The following C19orf44 variants were observed in gnomAD, a reference collection of about 807,000 sequenced individuals.
The protein encoded by C19orf44 is chromosome 19 open reading frame 44.
In C19orf44, 43 loss-of-function variants were observed where a neutral mutation model predicts 50.7. The ratio of observed to expected loss-of-function variants is 0.85; its 90% CI spans 0.66 to 1.09. C19orf44 has a LOEUF of 1.09. Ranked by LOEUF, C19orf44 falls within the 50% of genes least tolerant of loss-of-function variation. The probability of loss-of-function intolerance (pLI) is 0.00; values close to 1 mark genes in which losing one functional copy is unlikely to be tolerated. For synonymous variants in C19orf44, 298 were observed against 334.7 expected (o/e 0.89, Z 1.20); for missense variants, 722 against 836.2 (o/e 0.86, Z 1.68).
At position 16,500,817 on chromosome 19, in the gene C19orf44, C is replaced by T. The variant is rs774965695; in HGVS notation, c.25C>T (p.Arg9Cys). The T allele has an allele frequency of 1.9e-5, 30 of 1,582,742 alleles. No individual in the cohort carries two copies. The East Asian group carries it at 4.0e-4, about 21-fold the overall frequency. MASARKAS[R>C]PMRDVFGDFS... ...AATGGCTTCTGCAAGGAAAGCCAGC[C>T]GTCCCATGCGTGATGTTTTTGGTGA... Residue 9 changes from arginine (R) to cysteine (C), a missense_variant, in exon 2 of 9, where the codon CGT (arginine) becomes TGT (cysteine). By Grantham distance (180) the Arg-to-Cys change is radical (BLOSUM62 -3). Coordinates refer to ENST00000221671, the MANE Select transcript of C19orf44 (RefSeq NM_032207.4).
At chr19:16,516,525 T>G (rs2093472664) in intron 7 of C19orf44, among the ~76,000 whole-genome samples, 1 of 152,182 alleles carries the variant, frequency 6.6e-6, no homozygotes, top group South Asian at 2.1e-4. Context: ...TTTGTTCCGA[T>G]TTGGTAATTC....
At chr19:16,513,697 G>A (rs1228968762) in intron 6 of C19orf44, among the ~76,000 whole-genome samples, 1 of 152,174 alleles carries the variant, frequency 6.6e-6, no homozygotes, top group African/African-American at 2.4e-5. Context: ...GACCACTTTT[G>A]TTTTGTATGT....
chr19:16,516,187 C>T (rs1599740586), intron 7 of C19orf44, among the ~76,000 whole-genome samples: 2 of 152,222 alleles, frequency 1.3e-5, no homozygotes, highest in Admixed American at 1.3e-4. Flanking sequence ...GTAATCCCAG[C>T]ACTTTGGGAA....
At chr19:16,497,377 T>C (rs532530359) in intron 1 of C19orf44, among the ~76,000 whole-genome samples, 37 of 113,934 alleles carry the variant, frequency 3.2e-4, no homozygotes, top group African/African-American at 1.2e-3. Flanking sequence ...TTGAGACAGA[T>C]TCTCGCTCTG....
intron 7 of C19orf44, among the ~76,000 whole-genome samples, chr19:16,515,052 CTT>C (rs1269016563): frequency 2.6e-5 from 4 of 152,308 alleles, no homozygotes; most frequent in African/African-American, 2.4e-5. Context: ...ACCCTCACCT[CTT>C]TTTTTACCCT....
chr19:16,516,578 T>C lies in C19orf44; in HGVS notation c.1903-652T>C, dbSNP rs1041320830. Among the ~76,000 whole-genome samples, 13 of 152,320 alleles carry C rather than the reference T, an allele frequency of 8.5e-5. No individual in the cohort carries two copies. In the East Asian group the frequency reaches 1.7e-3, roughly 20 times the overall value. On this transcript the variant is annotated intron_variant, in intron 7 of 8. Transcript: ENST00000221671. ...TATCCGATATGTCCTTTGAGCCTCT[T>C]AATCTAGAGCAGCGACCGGTTCTCA...
chr19:16,515,527 C>A (rs2093469050), intron 7 of C19orf44, among the ~76,000 whole-genome samples: 1 of 151,778 alleles, frequency 6.6e-6, no homozygotes, highest in Non-Finnish European at 1.5e-5. Context: ...ATGCGTATTT[C>A]TTTTTTTTAA....
chr19:16,519,358 AAC>A lies in C19orf44; in HGVS notation c.*41-734_*41-733del. The A allele has an allele frequency of 3.7e-6, 6 of 1,608,910 alleles. No individual in the cohort carries two copies. The highest frequency in any genetic ancestry group is 1.3e-5 in the African/African-American group (1 of 74,840). Reference sequence around the variant, plus strand: ...GCCGCCTGAGCCGCTCCAGCCTGGAAACAGAGACGCAGTCACAACCACAACAA... The same window carrying A: ...GCCGCCTGAGCCGCTCCAGCCTGGAAAGAGACGCAGTCACAACCACAACAA... On this transcript the variant is annotated intron_variant, in intron 8 of 8. Coordinates refer to ENST00000221671, the MANE Select transcript of C19orf44 (RefSeq NM_032207.4). The surrounding 1 kb of genome is among the most constrained non-coding windows in gnomAD (Gnocchi z 6.0).
At chr19:16,498,912 C>T (rs1033011893) in intron 1 of C19orf44, among the ~76,000 whole-genome samples, 7 of 152,022 alleles carry the variant, frequency 4.6e-5, no homozygotes, top group East Asian at 1.9e-4. Context: ...CCTCATGATC[C>T]GCCCACCTCG....
At chr19:16,516,813 A>ATGTC (rs1227773089) in intron 7 of C19orf44, among the ~76,000 whole-genome samples, 2 of 152,184 alleles carry the variant, frequency 1.3e-5, no homozygotes, top group Non-Finnish European at 2.9e-5. Flanking sequence ...GGTCTCTACA[A>ATGTC]TGTCAACTTT....
At position 16,503,393 on chromosome 19, in the gene C19orf44, C is replaced by T; in HGVS notation, c.1075+13C>T. The T allele has an allele frequency of 6.3e-7, 1 of 1,599,774 alleles. No homozygotes were observed. The highest frequency in any genetic ancestry group is 8.5e-7 in the Non-Finnish European group (1 of 1,170,694). On this transcript the variant is annotated intron_variant, in intron 3 of 8. Coordinates refer to ENST00000221671, the MANE Select transcript of C19orf44 (RefSeq NM_032207.4). ...GACAGCCTCGACGGTAATCCCAGTC[C>T]CGGTGCAAAGCCAGTACCTTGGGCA...
chr19:16,501,369 G>C lies in C19orf44; in HGVS notation c.577G>C (p.Glu193Gln). The C allele has an allele frequency of 1.2e-6, 2 of 1,614,062 alleles. No individual in the cohort carries two copies. The highest frequency in any genetic ancestry group is 1.7e-6 in the Non-Finnish European group (2 of 1,180,018). ...ATCCCCTGAAGCACCTGCTGGGAAA[G>C]AGAGGACTTTGCAAACCCCCAAACA... ...NISPEAPAGK[E>Q]RTLQTPKQKE... is the part of the protein sequence containing the mutation. The change falls in exon 2 of 9, where the codon GAG becomes CAG. Residue 193 changes from glutamate (E) to glutamine (Q), a missense_variant. By Grantham distance (29) the Glu-to-Gln change is conservative. Coordinates refer to ENST00000221671, the MANE Select transcript of C19orf44 (RefSeq NM_032207.4).
At position 16,503,395 on chromosome 19, in the gene C19orf44, G is replaced by C; in HGVS notation, c.1075+15G>C. On this transcript the variant is annotated intron_variant, in intron 3 of 8. Transcript: ENST00000221671. Reference sequence around the variant, plus strand: ...CAGCCTCGACGGTAATCCCAGTCCCGGTGCAAAGCCAGTACCTTGGGCAGG... The same window carrying C: ...CAGCCTCGACGGTAATCCCAGTCCCCGTGCAAAGCCAGTACCTTGGGCAGG... 6.3e-7 allele frequency: 1 copy of C among 1,598,122 alleles called. No individual in the cohort carries two copies. Among genetic ancestry groups the C allele is most frequent in the Non-Finnish European group, 8.5e-7 (1 of 1,169,718 alleles).
chr19:16,506,199 T>C (rs1166360914), intron 3 of C19orf44, among the ~76,000 whole-genome samples: 1 of 144,990 alleles, frequency 6.9e-6, no homozygotes, highest in Non-Finnish European at 1.5e-5. Flanking sequence ...ATGGTCTCGA[T>C]CTCCTGACCT....
chr19:16,509,347 T>G (rs2093449616), intron 4 of C19orf44, 152 bp from the exon 5 acceptor site: 2 of 1,066,510 alleles, frequency 1.9e-6, no homozygotes, highest in Non-Finnish European at 2.7e-6. Flanking sequence ...CAGTTCTGTT[T>G]AGAATACTCC....
chr19:16,513,435 G>A (rs1478595804), intron 6 of C19orf44, among the ~76,000 whole-genome samples: 1 of 152,182 alleles, frequency 6.6e-6, no homozygotes, highest in Non-Finnish European at 1.5e-5. Context: ...CCGGGCTGGA[G>A]TGCAGTGGCG....
intron 5 of C19orf44, among the ~76,000 whole-genome samples, chr19:16,511,433 T>C (rs7246425): frequency 0.44 from 66,243 of 151,868 alleles, 15,869 homozygotes; most frequent in African/African-American, 0.65. Flanking sequence ...TTCCACCTGC[T>C]CATGTTGGCC....
intron 8 of C19orf44, chr19:16,518,703 A>C: frequency 5.9e-6 from 1 of 170,078 alleles, no homozygotes; most frequent in Non-Finnish European, 1.2e-5. Flanking sequence ...GCCGAGGGGA[A>C]GCCAGGTCAG....
At position 16,500,964 on chromosome 19, in the gene C19orf44, G is replaced by T. The variant is rs1400266931; in HGVS notation, c.172G>T (p.Asp58Tyr). 1.2e-6 allele frequency: 2 copies of T among 1,613,638 alleles called. No individual in the cohort carries two copies. Among genetic ancestry groups the T allele is most frequent in the Non-Finnish European group, 1.7e-6 (2 of 1,179,958 alleles). Residue 58 changes from aspartate to tyrosine, a missense_variant, in exon 2 of 9, where the codon GAT becomes TAT. By Grantham distance (160) the Asp-to-Tyr change is radical. Coordinates refer to ENST00000221671, the MANE Select transcript of C19orf44 (RefSeq NM_032207.4). ...ATTTCTAAAAAGAAACCAAACTCTA[G>T]ATGAGAAACACTTACTCCTGAAAGA... ...SRFLKRNQTL[D>Y]EKHLLLKENP...
Sources: allele counts gnomAD v4.1 joint callset (sites outside exome capture counted in the v4.1 genomes callset), GRCh38; gene constraint gnomAD v4.1.1; non-coding constraint Gnocchi (gnomAD v3.1); transcripts MANE v1.5; gene names NCBI Gene and HGNC (gene_info 2026-07-23, HGNC 2026-07-21).